TEAD1: variants seen among roughly 807,000 people sequenced by gnomAD.
The protein encoded by TEAD1 is transcriptional enhancer factor TEF-1.
A neutral mutation model predicts 54.9 loss-of-function variants in TEAD1; 9 were observed. The observed-to-expected ratio is 0.16, with a 90% CI of 0.10 to 0.29. TEAD1 has a LOEUF of 0.29. TEAD1 is among the 10% of genes least tolerant of loss of function. The pLI is 1.00. For missense variants in TEAD1, 387 were observed against 535.9 expected, an observed-to-expected ratio of 0.72 and a Z score of 2.74; for synonymous variants, 200 against 187.8, an observed-to-expected ratio of 1.07 and a Z score of -0.53.
intron 3 of TEAD1, among the ~76,000 whole-genome samples, chr11:12,794,816 G>C (rs1945880424): frequency 6.6e-6 from 1 of 152,192 alleles, no homozygotes; most frequent in South Asian, 2.1e-4. Context: ...CAGATGCCTG[G>C]ACACATCTCT....
intron 2 of TEAD1, among the ~76,000 whole-genome samples, chr11:12,725,940 A>G (rs546077636): frequency 3.3e-5 from 5 of 152,370 alleles, no homozygotes; most frequent in Admixed American, 2.6e-4. Context: ...ACTATGGCCT[A>G]GAGTGAGAGA....
intron 9 of TEAD1, among the ~76,000 whole-genome samples, chr11:12,896,263 C>T (rs1014466045): frequency 5.3e-5 from 8 of 152,126 alleles, no homozygotes; most frequent in Non-Finnish European, 8.8e-5. Context: ...AAATCAGGTC[C>T]GCTCTCTTGG....
At chr11:12,771,917 G>T (rs1235995927) in intron 3 of TEAD1, among the ~76,000 whole-genome samples, 1 of 152,214 alleles carries the variant, frequency 6.6e-6, no homozygotes, top group Non-Finnish European at 1.5e-5. Flanking sequence ...AACACTCAAA[G>T]AGCTTAAAAG....
chr11:12,835,833 G>A (rs1027613299), intron 3 of TEAD1, among the ~76,000 whole-genome samples: 8 of 152,116 alleles, frequency 5.3e-5, no homozygotes, highest in Non-Finnish European at 1.2e-4. Flanking sequence ...TTTTCTTTTT[G>A]GGGGTGGATG....
At chr11:12,845,065 A>G (rs1270234387) in intron 3 of TEAD1, among the ~76,000 whole-genome samples, 4 of 139,524 alleles carry the variant, frequency 2.9e-5, no homozygotes, top group Non-Finnish European at 6.0e-5. Context: ...TCCTGGATTC[A>G]AGCAATTCTC....
At chr11:12,819,848 C>T (rs1374649419) in intron 3 of TEAD1, among the ~76,000 whole-genome samples, 1 of 152,192 alleles carries the variant, frequency 6.6e-6, no homozygotes, top group Non-Finnish European at 1.5e-5. Flanking sequence ...TCATAGATAA[C>T]AAAATAGCTT....
chr11:12,863,855 C>T (rs780733930), intron 4 of TEAD1, among the ~76,000 whole-genome samples: 15 of 152,252 alleles, frequency 9.9e-5, no homozygotes, highest in Admixed American at 3.9e-4. Context: ...TACATTTCCA[C>T]GCCCCGGCAT....
At chr11:12,807,168 T>A (rs540264294) in intron 3 of TEAD1, among the ~76,000 whole-genome samples, 2 of 152,334 alleles carry the variant, frequency 1.3e-5, no homozygotes, top group East Asian at 1.9e-4. Flanking sequence ...GAAGCAATAA[T>A]GTTTGTGTGC....
At chr11:12,805,996 A>G (rs1946163825) in intron 3 of TEAD1, among the ~76,000 whole-genome samples, 1 of 152,174 alleles carries the variant, frequency 6.6e-6, no homozygotes, top group African/African-American at 2.4e-5. Flanking sequence ...TCCATTTACA[A>G]TGGCAGCACT....
At chr11:12,850,498 T>C (rs1168611231) in intron 3 of TEAD1, among the ~76,000 whole-genome samples, 3 of 152,220 alleles carry the variant, frequency 2.0e-5, no homozygotes, top group Non-Finnish European at 2.9e-5. Flanking sequence ...CATTTTCTGT[T>C]ACTAATGCAT....
intron 2 of TEAD1, among the ~76,000 whole-genome samples, chr11:12,737,755 C>T (rs765784271): frequency 2.0e-5 from 3 of 152,128 alleles, no homozygotes; most frequent in Non-Finnish European, 4.4e-5. Context: ...ATTCTTTTCT[C>T]CTATGTGAAA....
chr11:12,882,087 A>G (rs1324172905), intron 8 of TEAD1, 130 bp downstream of exon 8: 1 of 962,388 alleles, frequency 1.0e-6, no homozygotes, highest in Non-Finnish European at 1.6e-6. Flanking sequence ...GACTTGCAGG[A>G]TCCTTGGGTA....
intron 2 of TEAD1, among the ~76,000 whole-genome samples, chr11:12,741,341 T>C (rs960382081): frequency 3.3e-5 from 5 of 152,292 alleles, no homozygotes; most frequent in African/African-American, 1.2e-4. Context: ...AATTTTCTCT[T>C]TTTGATAAAT....
chr11:12,766,781 T>C (rs1019225857), intron 3 of TEAD1, among the ~76,000 whole-genome samples: 4 of 152,204 alleles, frequency 2.6e-5, no homozygotes, highest in African/African-American at 7.2e-5. Flanking sequence ...GACAGTCCTT[T>C]TGAGCAAGCA....
chr11:12,813,184 TGG>T (rs1443035925), intron 3 of TEAD1, among the ~76,000 whole-genome samples: 1 of 152,128 alleles, frequency 6.6e-6, no homozygotes, highest in African/African-American at 2.4e-5. Flanking sequence ...GTGGGCAAAC[TGG>T]GGGCTCCCTG....
chr11:12,873,211 C>T (rs12289262), intron 5 of TEAD1, among the ~76,000 whole-genome samples: 34,457 of 152,170 alleles, frequency 0.23, 4,170 homozygotes, highest in South Asian at 0.39. Flanking sequence ...TTAACTTGAG[C>T]CTGGAGCCAG....
chr11:12,700,991 A>G (rs867640002), intron 2 of TEAD1, among the ~76,000 whole-genome samples: 34 of 152,214 alleles, frequency 2.2e-4, no homozygotes, highest in African/African-American at 7.2e-4. Context: ...CCTCTGCTCT[A>G]GCACAGTCAT....
intron 5 of TEAD1, 107 bp downstream of exon 5, chr11:12,865,007 C>A (rs1353331938): frequency 8.0e-7 from 1 of 1,256,768 alleles, no homozygotes; most frequent in Non-Finnish European, 1.2e-6. Flanking sequence ...ACCTAGTTTC[C>A]TTGCATGTGA....
intron 2 of TEAD1, among the ~76,000 whole-genome samples, chr11:12,744,894 GTTCT>G (rs1944716205): frequency 6.6e-6 from 1 of 152,136 alleles, no homozygotes; most frequent in African/African-American, 2.4e-5. Flanking sequence ...GACTGCACGG[GTTCT>G]GAGAGGCCCT....
Sources: gnomAD v4.1 joint callset for allele counts (sites outside exome capture counted in the v4.1 genomes callset) on GRCh38, gnomAD v4.1.1 for gene constraint, MANE v1.5 for transcripts, NCBI Gene and HGNC (gene_info 2026-07-23, HGNC 2026-07-21) for gene names.